The following MAF variants were observed in gnomAD, a reference collection of about 807,000 sequenced individuals.
The protein encoded by MAF is transcription factor Maf.
A neutral mutation model predicts 22.0 loss-of-function variants in MAF; 10 were observed. The observed-to-expected ratio is 0.45, with a 90% CI of 0.28 to 0.77. The LOEUF (loss-of-function observed/expected upper bound fraction) is 0.77. Among genes scored for constraint, MAF ranks in the 30% least tolerant of loss-of-function variants. MAF has a pLI of 0.12. For missense variants in MAF, 544 were observed against 548.4 expected, an observed-to-expected ratio of 0.99 and a Z score of 0.08; for synonymous variants, 337 against 255.8, an observed-to-expected ratio of 1.32 and a Z score of -3.03.
the MAF span, among the ~76,000 whole-genome samples, chr16:79,244,798 T>C: frequency 6.6e-6 from 1 of 152,032 alleles, no homozygotes; most frequent in African/African-American, 2.4e-5. Context: ...GGAGGCATCA[T>C]GCTACCTGAC....
chr16:79,241,162 C>A, the MAF span, among the ~76,000 whole-genome samples: 1 of 152,026 alleles, frequency 6.6e-6, no homozygotes, highest in Non-Finnish European at 1.5e-5. Context: ...TCTTCCCCAG[C>A]AAGGGAACAA....
the MAF span, among the ~76,000 whole-genome samples, chr16:79,354,677 TG>T: frequency 6.6e-6 from 1 of 152,224 alleles, no homozygotes; most frequent in Non-Finnish European, 1.5e-5. Context: ...TATGCCCATT[TG>T]TCCAAGGAAA....
the MAF span, among the ~76,000 whole-genome samples, chr16:79,275,193 T>C: frequency 6.6e-6 from 1 of 152,080 alleles, no homozygotes; most frequent in Non-Finnish European, 1.5e-5. Flanking sequence ...TTGTCTCTAC[T>C]AAAAATACCC....
the MAF span, among the ~76,000 whole-genome samples, chr16:79,448,377 A>T: frequency 2.1e-5 from 3 of 141,716 alleles, no homozygotes; most frequent in African/African-American, 5.3e-5. Context: ...GAATGCTAGC[A>T]TTTTTTTTTT....
the MAF span, among the ~76,000 whole-genome samples, chr16:79,546,771 G>T: frequency 0.034 from 5,248 of 152,162 alleles, 321 homozygotes; most frequent in African/African-American, 0.12. Context: ...GTGCATATGT[G>T]TGACCCAAAG....
chr16:79,368,637 G>C, the MAF span, among the ~76,000 whole-genome samples: 3 of 152,112 alleles, frequency 2.0e-5, no homozygotes, highest in Non-Finnish European at 4.4e-5. Context: ...AGGAGCCCTG[G>C]TGCTCTTTTG....
chr16:79,423,264 G>A, the MAF span, among the ~76,000 whole-genome samples: 1 of 152,140 alleles, frequency 6.6e-6, no homozygotes, highest in African/African-American at 2.4e-5. Context: ...TAAATCTGGT[G>A]AACCTGTTCT....
the MAF span, among the ~76,000 whole-genome samples, chr16:79,421,174 G>A: frequency 6.6e-6 from 1 of 152,166 alleles, no homozygotes; most frequent in Admixed American, 6.5e-5. Flanking sequence ...GTACGTACAA[G>A]AGAAAACAAT....
chr16:79,482,033 G>T, the MAF span, among the ~76,000 whole-genome samples: 2 of 152,206 alleles, frequency 1.3e-5, no homozygotes, highest in Non-Finnish European at 1.5e-5. Context: ...TGGGTCATGG[G>T]ATGAGGCCTG....
chr16:79,259,573 C>T, the MAF span, among the ~76,000 whole-genome samples: 3 of 152,164 alleles, frequency 2.0e-5, no homozygotes, highest in Non-Finnish European at 2.9e-5. Context: ...GTAGTAGGTG[C>T]TCCGTAAATC....
At chr16:79,461,419 C>T in the MAF span, among the ~76,000 whole-genome samples, 6 of 152,180 alleles carry the variant, frequency 3.9e-5, no homozygotes, top group Non-Finnish European at 8.8e-5. Context: ...TACCCGATGG[C>T]TCCATACTTG....
the MAF span, among the ~76,000 whole-genome samples, chr16:79,274,047 C>T: frequency 1.9e-3 from 280 of 149,960 alleles, 1 homozygote; most frequent in African/African-American, 6.6e-3. Flanking sequence ...TTCCACCTCC[C>T]AGGTTCAAGC....
At chr16:79,315,031 C>T in the MAF span, among the ~76,000 whole-genome samples, 1 of 152,250 alleles carries the variant, frequency 6.6e-6, no homozygotes, top group African/African-American at 2.4e-5. Flanking sequence ...CTGTGTGCTA[C>T]ATGCTGGCTG....
the MAF span, among the ~76,000 whole-genome samples, chr16:79,526,319 C>T: frequency 3.9e-5 from 6 of 152,104 alleles, no homozygotes; most frequent in Non-Finnish European, 5.9e-5. Flanking sequence ...ACCTAGATTC[C>T]TCACATGCAC....
chr16:79,271,218 G>A, the MAF span, among the ~76,000 whole-genome samples: 1 of 152,016 alleles, frequency 6.6e-6, no homozygotes, highest in African/African-American at 2.4e-5. Flanking sequence ...ACCCAGCCAT[G>A]GCCACAGTTT....
chr16:79,329,160 C>G, the MAF span, among the ~76,000 whole-genome samples: 1 of 151,818 alleles, frequency 6.6e-6, no homozygotes, highest in Non-Finnish European at 1.5e-5. Context: ...CAAGAAACAC[C>G]AGGGCACATT....
At chr16:79,363,367 C>T in the MAF span, among the ~76,000 whole-genome samples, 1 of 152,186 alleles carries the variant, frequency 6.6e-6, no homozygotes, top group Non-Finnish European at 1.5e-5. Context: ...ACTTAGCAGA[C>T]ATCATAGCTT....
the MAF span, among the ~76,000 whole-genome samples, chr16:79,471,106 T>G: frequency 2.0e-5 from 3 of 152,184 alleles, no homozygotes; most frequent in African/African-American, 7.2e-5. Flanking sequence ...TTTGCTGGAC[T>G]TTCCTACCTG....
chr16:79,542,800 C>T, the MAF span, among the ~76,000 whole-genome samples: 1 of 152,210 alleles, frequency 6.6e-6, no homozygotes, highest in Non-Finnish European at 1.5e-5. Flanking sequence ...CTTGGTTAAT[C>T]TTCAGTGACC....
Sources: allele counts gnomAD v4.1 joint callset (sites outside exome capture counted in the v4.1 genomes callset), GRCh38; gene constraint gnomAD v4.1.1; transcripts MANE v1.5; gene names NCBI Gene and HGNC (gene_info 2026-07-23, HGNC 2026-07-21).